SCLT1: variants seen among roughly 807,000 people sequenced by gnomAD.
The protein encoded by SCLT1 is sodium channel and clathrin linker 1, also known as sodium channel-associated protein 1.
Under a neutral mutation model 112.8 loss-of-function variants are expected in SCLT1, and 78 were observed. The ratio of observed to expected loss-of-function variants is 0.69; its 90% CI spans 0.58 to 0.83. The LOEUF is 0.83. Ranked by LOEUF, SCLT1 falls within the 40% of genes least tolerant of loss-of-function variation. The pLI is 0.00. For missense variants in SCLT1, 747 were observed against 770.4 expected (o/e 0.97, Z 0.36); for synonymous variants, 257 against 254.7 (o/e 1.01, Z -0.09).
intron 9 of SCLT1, among the ~76,000 whole-genome samples, chr4:128,980,722 G>A (rs993780820): frequency 6.6e-6 from 1 of 152,128 alleles, no homozygotes; most frequent in African/African-American, 2.4e-5. Context: ...GATCTATAAT[G>A]AGAAACACTA....
chr4:128,911,197 C>T lies in SCLT1; in HGVS notation c.1830-20060G>A, dbSNP rs113604494. ...AGGAGAATCGCTTGAATCTGGGAGGCGGAGGTTGCAGTGAGCCAAGGTTGT... is the reference window on the plus strand; with the variant it reads ...AGGAGAATCGCTTGAATCTGGGAGGTGGAGGTTGCAGTGAGCCAAGGTTGT... On this transcript the variant is annotated intron_variant, in intron 18 of 20. Coordinates refer to ENST00000281142, the MANE Select transcript of SCLT1 (RefSeq NM_144643.4). 5.8e-3 allele frequency among the ~76,000 whole-genome samples: 868 copies of T among 149,052 alleles called. 15 individuals are homozygous for T. Among genetic ancestry groups the T allele is most frequent in the African/African-American group, 0.021 (812 of 38,710 alleles).
In SCLT1 at chr4:128,952,819, A is replaced by G; in HGVS notation, c.1168T>C (p.Cys390Arg). ...KKEVANTKKQ[C>R]NIQISRLTEE... ...GTTAATCGAGAAATTTGTATATTAC[A>G]TTGTTTTTTGGTGTTTGCAACCTGT... Residue 390 changes from cysteine to arginine, a missense_variant, in exon 14 of 21, where the codon TGT becomes CGT. Coordinates refer to ENST00000281142, the MANE Select transcript of SCLT1 (RefSeq NM_144643.4). The G allele has an allele frequency of 2.5e-6, 4 of 1,569,354 alleles. No homozygotes were observed. The highest frequency in any genetic ancestry group is 1.7e-5 in the Admixed American group (1 of 59,926).
Position 129,007,703 on chromosome 4 carries a change from G to T in SCLT1, c.291-3827C>A, listed in dbSNP as rs72924138. On this transcript the variant is annotated intron_variant, in intron 5 of 20. Coordinates refer to ENST00000281142, the MANE Select transcript of SCLT1 (RefSeq NM_144643.4). ...CTGGTAAATCACTCTTAAAATTATA[G>T]CATGTAGTACAGCAAAATTTAATGC... Among the ~76,000 whole-genome samples the T allele has an allele frequency of 4.7e-3, 711 of 152,086 alleles. 3 individuals carry two copies. The highest frequency in any genetic ancestry group is 0.016 in the African/African-American group (653 of 41,492).
intron 15 of SCLT1, among the ~76,000 whole-genome samples, chr4:128,948,117 C>T (rs1370093847): frequency 1.3e-5 from 2 of 151,736 alleles, no homozygotes; most frequent in African/African-American, 2.4e-5. Context: ...AGGCGGATCA[C>T]GAGGTCAGGA....
chr4:129,075,262 G>T (rs985113914), intron 2 of SCLT1, among the ~76,000 whole-genome samples: 8 of 152,146 alleles, frequency 5.3e-5, no homozygotes, highest in African/African-American at 1.9e-4. Context: ...TAAAGTACAG[G>T]TTGGCTAGCA....
chr4:128,959,652 C>T lies in SCLT1; in HGVS notation c.995G>A (p.Arg332Lys), dbSNP rs1398846272. Residue 332 changes from arginine to lysine, a missense_variant, in exon 12 of 21, where the codon AGA becomes AAA. Around this residue, in one of 2 missense-constraint regions of SCLT1, gnomAD observed 723 missense variants for 721.3 expected, o/e 1.00. Transcript: ENST00000281142. ...TAAGAGTTGCATGCTATTTCTGGCTCTTACAATAGCCTCATATCTCTCATT... is the reference window on the plus strand; with the variant it reads ...TAAGAGTTGCATGCTATTTCTGGCTTTTACAATAGCCTCATATCTCTCATT... ...LENERYEAIVRARNSMQLLEE... is the reference protein window; with the variant it reads ...LENERYEAIVKARNSMQLLEE... The T allele has an allele frequency of 1.9e-6, 3 of 1,613,348 alleles. No individual in the cohort carries two copies. The Admixed American group carries it at 5.0e-5, about 27-fold the overall frequency.
At chr4:129,006,403 T>C (rs1744025037) in intron 5 of SCLT1, among the ~76,000 whole-genome samples, 1 of 151,878 alleles carries the variant, frequency 6.6e-6, no homozygotes, top group Admixed American at 6.6e-5. Context: ...CCGGGCATGG[T>C]GGCGTGTGCC....
intron 18 of SCLT1, among the ~76,000 whole-genome samples, chr4:128,931,714 G>A (rs987812936): frequency 3.3e-5 from 5 of 152,072 alleles, no homozygotes; most frequent in Admixed American, 3.3e-4. Context: ...AGCCCGCCTC[G>A]GCCTCCCAAA....
At chr4:128,943,567 A>G (rs1436169135) in intron 16 of SCLT1, among the ~76,000 whole-genome samples, 1 of 152,026 alleles carries the variant, frequency 6.6e-6, no homozygotes, top group Non-Finnish European at 1.5e-5. Context: ...TAATCAATAA[A>G]CTCCATGGAC....
At chr4:129,070,386 T>C (rs1200943117) in intron 2 of SCLT1, among the ~76,000 whole-genome samples, 2 of 151,884 alleles carry the variant, frequency 1.3e-5, no homozygotes, top group Non-Finnish European at 2.9e-5. Flanking sequence ...CATCTGGTCC[T>C]GGACTTTTTT....
At chr4:129,086,868 C>T (rs1330543504) in intron 1 of SCLT1, among the ~76,000 whole-genome samples, 2 of 152,034 alleles carry the variant, frequency 1.3e-5, no homozygotes, top group African/African-American at 4.8e-5. Context: ...AAAAGTAGGG[C>T]AACTTGAATA....
intron 2 of SCLT1, among the ~76,000 whole-genome samples, chr4:129,081,114 A>G (rs1046078527): frequency 2.6e-5 from 4 of 152,184 alleles, no homozygotes; most frequent in African/African-American, 9.7e-5. Flanking sequence ...TACCCATTTC[A>G]GTCCCAATAA....
Position 129,093,159 on chromosome 4 carries a change from G to C in SCLT1, c.-56C>G. The C allele has an allele frequency of 2.6e-6, 4 of 1,555,796 alleles. No individual in the cohort carries two copies. Among genetic ancestry groups the C allele is most frequent in the Non-Finnish European group, 3.5e-6 (4 of 1,127,526 alleles). On this transcript the variant is annotated 5_prime_UTR_variant, in exon 1 of 21. Transcript: ENST00000281142. ...CACCTTTACCTTCCTCTGAAAGACA[G>C]AGAGCTTGCTGTGCGGGAAAACAAA... is the stretch of plus-strand genomic sequence containing the variant.
chr4:129,028,158 C>T (rs1263294914), intron 5 of SCLT1, among the ~76,000 whole-genome samples: 1 of 152,148 alleles, frequency 6.6e-6, no homozygotes, highest in Non-Finnish European at 1.5e-5. Flanking sequence ...ACTTTCTTCA[C>T]AGAACTGGAA....
intron 18 of SCLT1, among the ~76,000 whole-genome samples, chr4:128,916,782 A>G (rs547980864): frequency 6.6e-6 from 1 of 152,160 alleles, no homozygotes; most frequent in Non-Finnish European, 1.5e-5. Context: ...TTCCTATACT[A>G]TAAGTTGCTT....
At chr4:128,952,038 G>GT (rs1442026859) in intron 14 of SCLT1, among the ~76,000 whole-genome samples, 1 of 151,748 alleles carries the variant, frequency 6.6e-6, no homozygotes, top group Non-Finnish European at 1.5e-5. Flanking sequence ...AAAGGAAGGC[G>GT]TAAGACTCTA....
intron 8 of SCLT1, among the ~76,000 whole-genome samples, chr4:128,992,792 G>A (rs1742686355): frequency 1.3e-5 from 2 of 151,854 alleles, no homozygotes. Context: ...CTAAATAAAT[G>A]ACACGTTTTG....
intron 18 of SCLT1, among the ~76,000 whole-genome samples, chr4:128,933,209 G>A (rs1163480875): frequency 1.3e-5 from 2 of 152,032 alleles, no homozygotes; most frequent in Non-Finnish European, 2.9e-5. Context: ...AGACCAAATG[G>A]CATTTGATAA....
At chr4:128,936,503 A>C in intron 18 of SCLT1, 152 bp downstream of exon 18, 1 of 484,112 alleles carries the variant, frequency 2.1e-6, no homozygotes, top group Non-Finnish European at 3.6e-6. Flanking sequence ...TTATGACATA[A>C]TATTTTTATA....
Sources: allele counts gnomAD v4.1 joint callset (sites outside exome capture counted in the v4.1 genomes callset), GRCh38; gene constraint gnomAD v4.1.1; regional missense constraint gnomAD v4.1.1; transcripts MANE v1.5; gene names NCBI Gene and HGNC (gene_info 2026-07-23, HGNC 2026-07-21).